Variants in DHRSX observed in about 807,000 individuals in gnomAD.
DHRSX encodes the protein dehydrogenase/reductase X-linked.
A neutral mutation model predicts 34.0 loss-of-function variants in DHRSX; 31 were observed. The ratio of observed to expected loss-of-function variants is 0.91; its 90% CI spans 0.69 to 1.23. The LOEUF (loss-of-function observed/expected upper bound fraction) is 1.23, where lower values mean the gene tolerates loss of function less well. DHRSX is among the 50% of genes most tolerant of loss of function. The pLI is 0.00. For missense variants in DHRSX, 414 were observed against 428.1 expected (o/e 0.97, Z 0.29); for synonymous variants, 201 against 183.8 (o/e 1.09, Z -0.76).
chrX:2,370,562 C>A (rs2043045052), intron 3 of DHRSX, among the ~76,000 whole-genome samples: 1 of 144,112 alleles, frequency 6.9e-6, no homozygotes, highest in South Asian at 2.2e-4. Context: ...TTCCCCACTG[C>A]CTTTGTCTTC....
intron 1 of DHRSX, among the ~76,000 whole-genome samples, chrX:2,475,671 C>T (rs928390466): frequency 4.0e-4 from 60 of 151,654 alleles, no homozygotes; most frequent in Non-Finnish European, 6.0e-4. Flanking sequence ...ACACTGAACA[C>T]GTTCCCTAAG....
intron 3 of DHRSX, among the ~76,000 whole-genome samples, chrX:2,380,956 C>T (rs1468845562): frequency 6.6e-6 from 1 of 151,666 alleles, no homozygotes; most frequent in Non-Finnish European, 1.5e-5. Context: ...CCTCCGCCTC[C>T]GAGGTTCAAG....
At chrX:2,484,039 G>A (rs1420086513) in intron 1 of DHRSX, among the ~76,000 whole-genome samples, 6 of 152,170 alleles carry the variant, frequency 3.9e-5, no homozygotes, top group Non-Finnish European at 8.8e-5. Flanking sequence ...GCAGTGGCAC[G>A]ATCTTAGCTC....
At chrX:2,297,399 C>T (rs2041947310) in intron 3 of DHRSX, among the ~76,000 whole-genome samples, 1 of 151,800 alleles carries the variant, frequency 6.6e-6, no homozygotes, top group Admixed American at 6.6e-5. Flanking sequence ...CTGGGATTAC[C>T]GTCGTGAGCC....
intron 1 of DHRSX, chrX:2,489,196 G>C: frequency 6.2e-7 from 1 of 1,613,744 alleles, no homozygotes; most frequent in Non-Finnish European, 8.5e-7. Context: ...CGCCGTCTTT[G>C]ACCTTGTCCA....
chrX:2,475,901 T>C (rs2044671733), intron 1 of DHRSX, among the ~76,000 whole-genome samples: 2 of 152,182 alleles, frequency 1.3e-5, no homozygotes, highest in Non-Finnish European at 1.5e-5. Context: ...GTGGTGTAAC[T>C]GCAGTAATTA....
intron 4 of DHRSX, among the ~76,000 whole-genome samples, chrX:2,268,592 A>G (rs186172427): frequency 3.5e-4 from 53 of 152,322 alleles, no homozygotes; most frequent in Non-Finnish European, 6.9e-4. Flanking sequence ...TTCATTTTCA[A>G]ATGCCTATAA....
chrX:2,263,888 C>T lies in DHRSX; in HGVS notation c.596+2852G>A, dbSNP rs567666222. Among the ~76,000 whole-genome samples the T allele has an allele frequency of 9.2e-5, 14 of 152,152 alleles. No homozygotes were observed. The South Asian group carries it at 2.9e-3, about 32-fold the overall frequency. On this transcript the variant is annotated intron_variant, in intron 5 of 6. Transcript: ENST00000334651. The stretch of plus-strand genomic sequence containing the variant: ...AGAGGAATCGTTTTTATCCTTAAGG[C>T]GGGGTTAGGAGGAATTCACAAGAGA...
intron 5 of DHRSX, among the ~76,000 whole-genome samples, chrX:2,252,942 AG>A (rs201408528): frequency 0.19 from 28,464 of 152,090 alleles, 2,990 homozygotes; most frequent in African/African-American, 0.23. Context: ...CTGAGCACTT[AG>A]GGGACACTAA....
At chrX:2,460,549 G>C (rs2044388553) in intron 1 of DHRSX, among the ~76,000 whole-genome samples, 1 of 148,560 alleles carries the variant, frequency 6.7e-6, no homozygotes, top group Non-Finnish European at 1.5e-5. Context: ...CTCCCAAGTA[G>C]CTGTGACCAC....
intron 1 of DHRSX, among the ~76,000 whole-genome samples, chrX:2,485,275 T>C (rs2044859708): frequency 1.3e-5 from 2 of 152,016 alleles, no homozygotes; most frequent in Admixed American, 1.3e-4. Flanking sequence ...TAAATGAACA[T>C]CACGATGCAA....
At chrX:2,347,416 G>A (rs1252732421) in intron 3 of DHRSX, among the ~76,000 whole-genome samples, 5 of 152,208 alleles carry the variant, frequency 3.3e-5, no homozygotes, top group Non-Finnish European at 5.9e-5. Flanking sequence ...ATTTGGGGCC[G>A]GGCGCGGTGG....
At chrX:2,367,170 T>A (rs1254249118) in intron 3 of DHRSX, among the ~76,000 whole-genome samples, 2 of 152,102 alleles carry the variant, frequency 1.3e-5, no homozygotes, top group Non-Finnish European at 2.9e-5. Flanking sequence ...CCGGGCGCAG[T>A]GGCTCACACC....
intron 3 of DHRSX, among the ~76,000 whole-genome samples, chrX:2,301,885 C>T (rs1409453977): frequency 6.6e-6 from 1 of 152,026 alleles, no homozygotes; most frequent in Non-Finnish European, 1.5e-5. Context: ...ATCTGCCCGC[C>T]TCGGCCTCCC....
At chrX:2,321,497 G>C (rs1288235194) in intron 3 of DHRSX, among the ~76,000 whole-genome samples, 1 of 147,282 alleles carries the variant, frequency 6.8e-6, no homozygotes, top group Non-Finnish European at 1.5e-5. Flanking sequence ...TTTACATCAG[G>C]TCGTGAAGGT....
intron 3 of DHRSX, among the ~76,000 whole-genome samples, chrX:2,331,399 C>T (rs185876509): frequency 0.024 from 3,464 of 145,560 alleles, 66 homozygotes; most frequent in Non-Finnish European, 0.037. Flanking sequence ...TTCTAAATGG[C>T]ATTCAGAATG....
At chrX:2,265,905 C>A (rs2041456866) in intron 5 of DHRSX, among the ~76,000 whole-genome samples, 1 of 139,964 alleles carries the variant, frequency 7.1e-6, no homozygotes, top group African/African-American at 2.7e-5. Flanking sequence ...AGCACTGTCC[C>A]CAGAGCACCA....
At chrX:2,364,765 T>C (rs2042978218) in intron 3 of DHRSX, among the ~76,000 whole-genome samples, 1 of 152,228 alleles carries the variant, frequency 6.6e-6, no homozygotes, top group South Asian at 2.1e-4. Flanking sequence ...GATCATTATA[T>C]AGCATCTGTT....
intron 2 of DHRSX, among the ~76,000 whole-genome samples, chrX:2,413,233 T>C (rs1193942104): frequency 2.0e-5 from 3 of 151,954 alleles, no homozygotes; most frequent in Non-Finnish European, 4.4e-5. Flanking sequence ...ATTATGGTGA[T>C]TACCAGGTGC....
Sources: allele counts gnomAD v4.1 joint callset (sites outside exome capture counted in the v4.1 genomes callset), GRCh38; gene constraint gnomAD v4.1.1; transcripts MANE v1.5; gene names NCBI Gene and HGNC (gene_info 2026-07-23, HGNC 2026-07-21).